The following AIFM2 variants were observed in gnomAD, a reference collection of about 807,000 sequenced individuals.
AIFM2 encodes the protein ferroptosis suppressor protein 1.
AIFM2 carries 38 observed loss-of-function variants against 35.7 expected under a neutral mutation model. The observed-to-expected ratio is 1.06, with a 90% confidence interval of 0.82 to 1.39. AIFM2 has a LOEUF of 1.39. AIFM2 is among the 40% of genes most tolerant of loss of function. AIFM2 has a pLI of 0.00. For synonymous variants in AIFM2, 185 were observed against 203.5 expected (o/e 0.91, Z 0.77); for missense variants, 476 against 491.2 (o/e 0.97, Z 0.29).
chr10:70,120,350 A>G (rs756492933), intron 5 of AIFM2, among the ~76,000 whole-genome samples, 157 bp downstream of exon 5: 104 of 152,164 alleles, frequency 6.8e-4, no homozygotes, highest in Non-Finnish European at 1.4e-3. Context: ...AAAATCCCCT[A>G]TAGAATCACA....
intron 1 of AIFM2, among the ~76,000 whole-genome samples, chr10:70,125,320 G>A (rs2072552684): frequency 6.6e-6 from 1 of 151,928 alleles, no homozygotes; most frequent in South Asian, 2.1e-4. Context: ...TAGAGATGGG[G>A]CTGGGTGTAG....
intron 7 of AIFM2, 93 bp downstream of exon 7, chr10:70,116,529 G>C: frequency 6.7e-7 from 1 of 1,488,860 alleles, no homozygotes; most frequent in South Asian, 1.2e-5. Context: ...AAGGCAGCAA[G>C]GTGTGGACTC....
At chr10:70,119,966 G>A (rs576943184) in intron 5 of AIFM2, among the ~76,000 whole-genome samples, 1 of 152,372 alleles carries the variant, frequency 6.6e-6, no homozygotes, top group South Asian at 2.1e-4. Context: ...ATGGGCAGAA[G>A]GCAGTGCTGT....
chr10:70,122,437 C>T (rs1035267001), intron 3 of AIFM2, among the ~76,000 whole-genome samples: 1 of 152,212 alleles, frequency 6.6e-6, no homozygotes. Flanking sequence ...TTTGTCAACG[C>T]CCCCTTAGCT....
rs3750773 is a variant in AIFM2 at position 70,123,736 on chromosome 10, T to C, written c.178+171A>G. ...TCAAGCTTTTACTTCTAGGGTCTCA[T>C]TGTGGTGGCTACTTAAGACCAAAGA... On this transcript the variant is annotated intron_variant, in intron 2 of 8. Coordinates refer to ENST00000307864, the MANE Select transcript of AIFM2 (RefSeq NM_032797.6). 5.9e-3 allele frequency among the ~76,000 whole-genome samples: 895 copies of C among 152,284 alleles called. 21 individuals are homozygous for C. In the East Asian group the frequency reaches 0.068, roughly 12 times the overall value.
chr10:70,120,879 C>T (rs1489441510), intron 4 of AIFM2, among the ~76,000 whole-genome samples: 1 of 152,208 alleles, frequency 6.6e-6, no homozygotes, highest in African/African-American at 2.4e-5. Flanking sequence ...ATACCAAGGG[C>T]AACATGAGCA....
In AIFM2 at chr10:70,131,721, C is replaced by T. The variant is rs2072628964; in HGVS notation, c.-14+1013G>A. Among the ~76,000 whole-genome samples, 1 of 152,186 alleles carries T rather than the reference C, an allele frequency of 6.6e-6. No homozygotes were observed. The highest frequency in any genetic ancestry group is 2.1e-4 in the South Asian group (1 of 4,836). On this transcript the variant is annotated intron_variant, in intron 1 of 8. Transcript: ENST00000307864. The surrounding 1 kb of genome is among the most constrained non-coding windows in gnomAD (Gnocchi z 4.1). Reference sequence around the variant, plus strand: ...GCCTGCCCAGCCCATCACTTCTGGGCTAGGTAGTGCTAAGCCTGCCCAGCC... The same window carrying T: ...GCCTGCCCAGCCCATCACTTCTGGGTTAGGTAGTGCTAAGCCTGCCCAGCC...
chr10:70,119,817 C>T (rs535540689), intron 5 of AIFM2, among the ~76,000 whole-genome samples: 4 of 152,342 alleles, frequency 2.6e-5, no homozygotes, highest in Admixed American at 6.5e-5. Flanking sequence ...CCTGTAAGGA[C>T]GTTTCTCACT....
rs773817596 is a variant in AIFM2, at chr10:70,121,205, G to A, written c.301C>T (p.Pro101Ser). Residue 101 changes from proline (P) to serine (S), a missense_variant, in exon 4 of 9, where the codon CCC (proline) becomes TCC (serine). Physicochemically the swap from Pro to Ser is moderately conservative, Grantham distance 74. Coordinates refer to ENST00000307864, the MANE Select transcript of AIFM2 (RefSeq NM_032797.6). ...GTGGCCAGGATAAGATGAGAGAAGG[G>A]CAGGGCCTGAGAGAAACCAAAAAAA... The part of the protein sequence containing the change: ...MVLLQGGEAL[P>S]FSHLILATGS... The A allele has an allele frequency of 3.9e-6, 6 of 1,525,286 alleles. No homozygotes were observed. The highest frequency in any genetic ancestry group is 8.8e-7 in the Non-Finnish European group (1 of 1,132,122). The allele number at this position is 1,525,286 out of a possible 1,614,324, so 94.5% of individuals were successfully genotyped here.
At position 70,117,921 on chromosome 10, in the gene AIFM2, C is replaced by A; in HGVS notation, c.508-1G>T. On this transcript the variant is annotated splice_acceptor_variant, in intron 5 of 8. Transcript: ENST00000307864. LOFTEE classifies it high-confidence loss of function. This position sits in a 1 kb window ranked among gnomAD's most constrained non-coding sequence, Gnocchi z 4.7. ...CCACTTGGGAGTGAATGAGAGTGAC[C>A]TGAGGACAAAACGACCACAGGGCCT... 1 of 1,606,688 alleles carries A rather than the reference C, an allele frequency of 6.2e-7. No homozygotes were observed. Among genetic ancestry groups the A allele is most frequent in the Non-Finnish European group, 8.5e-7 (1 of 1,176,664 alleles).
intron 4 of AIFM2, 125 bp downstream of exon 4, chr10:70,120,967 C>T: frequency 6.8e-7 from 1 of 1,475,100 alleles, no homozygotes; most frequent in Non-Finnish European, 9.0e-7. Flanking sequence ...TAGTGACTCT[C>T]CAACTCTATG....
chr10:70,115,405 A>G (rs1014770055), intron 7 of AIFM2, among the ~76,000 whole-genome samples: 3 of 150,984 alleles, frequency 2.0e-5, no homozygotes, highest in African/African-American at 7.4e-5. Context: ...AGAAATGTAC[A>G]TAACTCTCAA....
At chr10:70,121,878 G>A (rs2072512120) in intron 3 of AIFM2, among the ~76,000 whole-genome samples, 2 of 150,920 alleles carry the variant, frequency 1.3e-5, no homozygotes, top group East Asian at 3.9e-4. Context: ...GATCACCTGA[G>A]GTCAGGAGTT....
At position 70,113,981 on chromosome 10, in the gene AIFM2, T is replaced by C; in HGVS notation, c.*197A>G. 1 of 670,504 alleles carries C rather than the reference T, an allele frequency of 1.5e-6. No homozygotes were observed. The highest frequency in any genetic ancestry group is 1.8e-5 in the African/African-American group (1 of 54,822). 41.5% of individuals were successfully genotyped at this position (670,504 alleles called of 1,614,324 possible). On this transcript the variant is annotated 3_prime_UTR_variant, in exon 9 of 9. Transcript: ENST00000307864. Reference sequence around the variant, plus strand: ...GCACACCTTCCAAACCCAGAAAGTATCCTCTAAGGGGGGTATTTGTTTAAT... The same window carrying C: ...GCACACCTTCCAAACCCAGAAAGTACCCTCTAAGGGGGGTATTTGTTTAAT...
At chr10:70,129,975 G>A (rs181297717) in intron 1 of AIFM2, among the ~76,000 whole-genome samples, 146 of 151,994 alleles carry the variant, frequency 9.6e-4, no homozygotes, top group Non-Finnish European at 1.8e-3. Context: ...CTTGAGCTCC[G>A]GAGTTCCAGA....
At chr10:70,121,293 A>ATCCT in intron 3 of AIFM2, 82 bp from the exon 4 acceptor site, 6 of 1,420,124 alleles carry the variant, frequency 4.2e-6, no homozygotes, top group Non-Finnish European at 5.5e-6. Flanking sequence ...AGGCCTCTGC[A>ATCCT]TCCTACTCCC....
At position 70,113,851 on chromosome 10, in the gene AIFM2, C is replaced by T; in HGVS notation, c.*327G>A. 3.3e-6 allele frequency: 1 copy of T among 298,884 alleles called. No individual in the cohort carries two copies. The highest frequency in any genetic ancestry group is 3.9e-5 in the South Asian group (1 of 25,444). The allele number at this position is 298,884 out of a possible 1,614,324, so 18.5% of individuals were successfully genotyped here. On this transcript the variant is annotated 3_prime_UTR_variant, in exon 9 of 9. Coordinates refer to ENST00000307864, the MANE Select transcript of AIFM2 (RefSeq NM_032797.6). ...CGTCATGACCACAAGCACGTACACA[C>T]ACATGCACATCCCAGAGGAGGCAGG... is the stretch of plus-strand genomic sequence containing the variant.
chr10:70,116,186 G>A (rs989860714), intron 7 of AIFM2, among the ~76,000 whole-genome samples: 2 of 152,156 alleles, frequency 1.3e-5, no homozygotes, highest in African/African-American at 4.8e-5. Context: ...TTTAAGAAAC[G>A]AGGCCATGTT....
Position 70,114,163 on chromosome 10 carries a change from C to T in AIFM2, c.*15G>A, listed in dbSNP as rs10999144. 0.017 allele frequency: 26,772 copies of T among 1,608,248 alleles called. 307 individuals carry two copies. The highest frequency in any genetic ancestry group is 0.066 in the Middle Eastern group (398 of 6,028). ...CGCCCACCTGCTGCGGTAGTTCTCC[C>T]GCCTGGCCTCTCCATCAAGGTGGAG... On this transcript the variant is annotated 3_prime_UTR_variant, in exon 9 of 9. Transcript: ENST00000307864.
Sources: allele counts gnomAD v4.1 joint callset (sites outside exome capture counted in the v4.1 genomes callset), GRCh38; gene constraint gnomAD v4.1.1; non-coding constraint Gnocchi (gnomAD v3.1); transcripts MANE v1.5; gene names NCBI Gene and HGNC (gene_info 2026-07-23, HGNC 2026-07-21).